Variants in FAM83A observed in about 807,000 individuals in gnomAD.
FAM83A encodes the protein protein FAM83A.
In FAM83A, 21 loss-of-function variants were observed where a neutral mutation model predicts 24.4. That is an observed-to-expected ratio of 0.86 (90% confidence interval 0.61 to 1.24). FAM83A has a LOEUF of 1.24. Ranked by LOEUF, FAM83A falls within the 50% of genes most tolerant of loss-of-function variation. The pLI is 0.00. For missense variants in FAM83A, 617 were observed against 579.8 expected, an observed-to-expected ratio of 1.06 and a Z score of -0.66; for synonymous variants, 270 against 252.4, an observed-to-expected ratio of 1.07 and a Z score of -0.66.
At position 123,209,254 on chromosome 8, in the gene FAM83A, T is replaced by C; in HGVS notation, c.*1566T>C. The C allele has an allele frequency of 1.6e-6, 2 of 1,271,788 alleles. No homozygotes were observed. Among genetic ancestry groups the C allele is most frequent in the Non-Finnish European group, 2.0e-6 (2 of 1,015,868 alleles). 78.8% of individuals were successfully genotyped at this position (1,271,788 alleles called of 1,614,324 possible). On this transcript the variant is annotated 3_prime_UTR_variant, in exon 4 of 4. Coordinates refer to ENST00000690554, the Ensembl canonical transcript of FAM83A. The surrounding 1 kb of genome is among the most constrained non-coding windows in gnomAD (Gnocchi z 4.7). Reference sequence around the variant, plus strand: ...CAGAGCTCTTCCTCCTGGTGGCCTCTGACCCCTGACGGCCTGTGGCATCCT... The same window carrying C: ...CAGAGCTCTTCCTCCTGGTGGCCTCCGACCCCTGACGGCCTGTGGCATCCT...
intron 3 of FAM83A, among the ~76,000 whole-genome samples, chr8:123,196,361 G>A (rs909908104): frequency 2.6e-5 from 4 of 152,120 alleles, no homozygotes; most frequent in African/African-American, 9.7e-5. Flanking sequence ...CTTTTAATAG[G>A]TCTAATCCAG....
intron 1 of FAM83A, among the ~76,000 whole-genome samples, chr8:123,186,433 C>T (rs62521844): frequency 0.14 from 21,257 of 152,098 alleles, 1,732 homozygotes; most frequent in East Asian, 0.22. Context: ...CGAGCGGAGC[C>T]GGAAGGGAAC....
rs1824673849 is a variant in FAM83A, at chr8:123,209,726, C to T, written c.*2038C>T. The T allele has an allele frequency of 4.6e-6, 3 of 651,008 alleles. No individual in the cohort carries two copies. The highest frequency in any genetic ancestry group is 7.8e-6 in the Non-Finnish European group (3 of 383,156). The allele number at this position is 651,008 out of a possible 1,614,324, so 40.3% of individuals were successfully genotyped here. A position where few individuals can be genotyped will look rare whatever the true frequency, so the allele number is the denominator to read the frequency against. ...GGGAGAACCTGCAGGCAGGAACAAG[C>T]CCCCCTACTCCTGACCACCCTCCAT... is the stretch of plus-strand genomic sequence containing the variant. On this transcript the variant is annotated 3_prime_UTR_variant, in exon 4 of 4. Transcript: ENST00000690554. The surrounding 1 kb of genome is among the most constrained non-coding windows in gnomAD (Gnocchi z 4.7).
chr8:123,209,743 A>G lies in FAM83A; in HGVS notation c.*2055A>G. The stretch of plus-strand genomic sequence containing the variant: ...GGAACAAGCCCCCCTACTCCTGACC[A>G]CCCTCCATCAGCAGTCTCCCCTCCG... On this transcript the variant is annotated 3_prime_UTR_variant, in exon 4 of 4. Coordinates refer to ENST00000690554, the Ensembl canonical transcript of FAM83A. This position sits in a 1 kb window ranked among gnomAD's most constrained non-coding sequence, Gnocchi z 4.7. 1 of 604,376 alleles carries G rather than the reference A, an allele frequency of 1.7e-6. No homozygotes were observed. The highest frequency in any genetic ancestry group is 2.9e-6 in the Non-Finnish European group (1 of 345,986). The allele number at this position is 604,376 out of a possible 1,614,324, so 37.4% of individuals were successfully genotyped here.
At chr8:123,182,773 C>G in exon 1 of FAM83A, 1 of 1,494,726 alleles carries the variant, frequency 6.7e-7, no homozygotes, top group Non-Finnish European at 8.9e-7. Context: ...GAGCCCCACT[C>G]CTCCGTGGTG....
rs372839373 is a variant in FAM83A at position 123,186,241 on chromosome 8, G to A, written c.480+2905G>A. ...CATATGCACACACAAACACACACAC[G>A]AATGCACACAAATGCACCTACACAC... On this transcript the variant is annotated intron_variant, in intron 1 of 3. Transcript: ENST00000690554. 1.2e-3 allele frequency among the ~76,000 whole-genome samples: 189 copies of A among 152,186 alleles called. 5 individuals carry two copies. The South Asian group carries it at 0.037, about 30-fold the overall frequency.
intron 3 of FAM83A, among the ~76,000 whole-genome samples, chr8:123,205,500 A>C (rs917340821): frequency 2.6e-5 from 4 of 152,138 alleles, no homozygotes; most frequent in Non-Finnish European, 4.4e-5. Context: ...TGCTGTTCCC[A>C]GGATTATCCG....
chr8:123,208,212 A>C, exon 4 of FAM83A: 4 of 986,290 alleles, frequency 4.1e-6, no homozygotes, highest in Non-Finnish European at 4.8e-6. Flanking sequence ...TCCTCCTCTT[A>C]GGAAAGGCTA....
intron 3 of FAM83A, among the ~76,000 whole-genome samples, chr8:123,203,028 C>T (rs928374977): frequency 6.6e-6 from 1 of 152,082 alleles, no homozygotes; most frequent in African/African-American, 2.4e-5. Context: ...CATATTCACA[C>T]ACCACAGGGC....
chr8:123,203,248 AG>A (rs748424843), intron 3 of FAM83A, among the ~76,000 whole-genome samples: 1 of 149,902 alleles, frequency 6.7e-6, no homozygotes, highest in Non-Finnish European at 1.5e-5. Context: ...TGACCATAAA[AG>A]TTTGCTTAAT....
At chr8:123,208,022 A>C in exon 4 of FAM83A, 3 of 1,121,470 alleles carry the variant, frequency 2.7e-6, no homozygotes, top group Non-Finnish European at 3.3e-6. Flanking sequence ...ACTCCGTAAG[A>C]AGCAGGAAAT....
chr8:123,191,841 G>A, exon 2 of FAM83A: 2 of 1,614,140 alleles, frequency 1.2e-6, no homozygotes, highest in Non-Finnish European at 1.7e-6. Flanking sequence ...CGGATGTGGA[G>A]ATCTTCTGTG....
At chr8:123,183,746 A>C (rs1279686121) in intron 1 of FAM83A, among the ~76,000 whole-genome samples, 1 of 134,564 alleles carries the variant, frequency 7.4e-6, no homozygotes, top group African/African-American at 2.9e-5. Context: ...CCCAAGCTGG[A>C]GTGTAGTGGC....
intron 1 of FAM83A, among the ~76,000 whole-genome samples, chr8:123,187,494 C>T (rs182759604): frequency 5.3e-5 from 8 of 152,312 alleles, no homozygotes; most frequent in Admixed American, 5.2e-4. Flanking sequence ...CTGCTCACCA[C>T]ATTTTTGTTA....
At chr8:123,207,233 G>A (rs370437311) in exon 4 of FAM83A, 15 of 1,612,318 alleles carry the variant, frequency 9.3e-6, no homozygotes, top group Admixed American at 1.7e-5. Flanking sequence ...GCTGTTTGAC[G>A]AGGAGTTCCG....
At chr8:123,206,514 T>C (rs1370478508) in intron 3 of FAM83A, among the ~76,000 whole-genome samples, 7 of 152,146 alleles carry the variant, frequency 4.6e-5, no homozygotes, top group Non-Finnish European at 8.8e-5. Flanking sequence ...CCCTCCACAT[T>C]CCACAGGTGG....
upstream of FAM83A, chr8:123,180,765 C>T (rs1823578398): frequency 2.6e-5 from 4 of 151,962 alleles, no homozygotes; most frequent in Admixed American, 2.6e-4. Context: ...AGGCATAGAT[C>T]CAAAAAGGCA....
chr8:123,203,586 C>CAAAAAAAAAAAAAAAAAAAAAAAAAA (rs1187426797), intron 3 of FAM83A, among the ~76,000 whole-genome samples: 1 of 41,176 alleles, frequency 2.4e-5, no homozygotes, highest in Non-Finnish European at 5.8e-5. Flanking sequence ...AGATCTGTCT[C>CAAAAAAAAAAAAAAAAAAAAAAAAAA]AAAAAAAAAA....
chr8:123,199,005 G>T (rs1398621966), intron 3 of FAM83A, among the ~76,000 whole-genome samples: 2 of 152,180 alleles, frequency 1.3e-5, no homozygotes, highest in African/African-American at 4.8e-5. Context: ...CTCCGAAAGT[G>T]CTGGGATTAC....
Sources: gnomAD v4.1 joint callset for allele counts (sites outside exome capture counted in the v4.1 genomes callset) on GRCh38, gnomAD v4.1.1 for gene constraint, Gnocchi (gnomAD v3.1) non-coding constraint, MANE v1.5 for transcripts, NCBI Gene and HGNC (gene_info 2026-07-23, HGNC 2026-07-21) for gene names.